The following CSMD1 variants were observed in gnomAD, a reference collection of about 807,000 sequenced individuals.
CSMD1 encodes the protein CUB and Sushi multiple domains 1, also known as CUB and sushi domain-containing protein 1.
A neutral mutation model predicts 417.5 loss-of-function variants in CSMD1; 213 were observed. The ratio of observed to expected loss-of-function variants is 0.51; its 90% CI spans 0.46 to 0.57. The LOEUF (loss-of-function observed/expected upper bound fraction) is 0.57, where lower values mean the gene tolerates loss of function less well. CSMD1 is among the 20% of genes least tolerant of loss of function. The probability of loss-of-function intolerance (pLI) is 0.00; values close to 1 mark genes in which losing one functional copy is unlikely to be tolerated. For missense variants in CSMD1, 6,923 were observed against 4,529.7 expected (o/e 1.53, Z -15.17); for synonymous variants, 2,862 against 1,736.8 (o/e 1.65, Z -16.11).
At chr8:4,671,930 G>C (rs1446683996) in intron 1 of CSMD1, among the ~76,000 whole-genome samples, 2 of 152,190 alleles carry the variant, frequency 1.3e-5, no homozygotes, top group Non-Finnish European at 2.9e-5. Flanking sequence ...GAGTGGGTCA[G>C]CTTTCTCAGT....
intron 1 of CSMD1, among the ~76,000 whole-genome samples, chr8:4,768,387 G>C (rs1037366616): frequency 6.6e-6 from 1 of 152,148 alleles, no homozygotes; most frequent in Non-Finnish European, 1.5e-5. Flanking sequence ...TTTCCATTCA[G>C]AAAATCCTTC....
At chr8:3,919,311 T>G (rs1377462913) in intron 5 of CSMD1, among the ~76,000 whole-genome samples, 5 of 152,088 alleles carry the variant, frequency 3.3e-5, no homozygotes, top group Non-Finnish European at 5.9e-5. Flanking sequence ...CTTCATCAAT[T>G]TTGTGTGGTC....
At chr8:4,239,348 G>C (rs372518030) in intron 3 of CSMD1, among the ~76,000 whole-genome samples, 1 of 152,150 alleles carries the variant, frequency 6.6e-6, no homozygotes. Context: ...TTCAACCTTG[G>C]TGGAACTGCC....
chr8:4,186,103 T>G (rs3849838), intron 3 of CSMD1, among the ~76,000 whole-genome samples: 126,803 of 152,018 alleles, frequency 0.83, 53,102 homozygotes, highest in South Asian at 0.94. Context: ...CCTCTTTGAT[T>G]GGGCCATGCC....
chr8:2,999,954 T>C lies in CSMD1; in HGVS notation c.8203+4A>G. On this transcript the variant is annotated splice_donor_region_variant and intron_variant, in intron 53 of 69. Transcript: ENST00000635120. ...ATGAATTCGTCCACAAAGAGTGCAC[T>C]TACGGACACAGACAGGCGTTTGTCC... The C allele has an allele frequency of 6.2e-7, 1 of 1,607,596 alleles. No individual in the cohort carries two copies. Among genetic ancestry groups the C allele is most frequent in the South Asian group, 1.1e-5 (1 of 89,742 alleles).
At chr8:4,708,302 G>C (rs1808079091) in intron 1 of CSMD1, among the ~76,000 whole-genome samples, 2 of 152,108 alleles carry the variant, frequency 1.3e-5, no homozygotes, top group Non-Finnish European at 2.9e-5. Flanking sequence ...CATTTACATA[G>C]ACATGCATTT....
chr8:4,182,476 T>C (rs1411384778), intron 3 of CSMD1, among the ~76,000 whole-genome samples: 1 of 152,152 alleles, frequency 6.6e-6, no homozygotes, highest in Non-Finnish European at 1.5e-5. Context: ...GTTTTAATAA[T>C]CAAATAAGAT....
intron 1 of CSMD1, among the ~76,000 whole-genome samples, chr8:4,723,425 G>A (rs1809193829): frequency 1.3e-5 from 2 of 152,098 alleles, no homozygotes; most frequent in South Asian, 2.1e-4. Flanking sequence ...ATACTTTGGA[G>A]TACATAATAA....
chr8:3,260,736 G>A (rs1563197763), intron 26 of CSMD1, among the ~76,000 whole-genome samples: 1 of 152,144 alleles, frequency 6.6e-6, no homozygotes, highest in Non-Finnish European at 1.5e-5. Context: ...CAAGAGTTAG[G>A]CAAGGGGCTC....
chr8:4,961,308 C>G (rs928769833), intron 1 of CSMD1, among the ~76,000 whole-genome samples: 1 of 152,116 alleles, frequency 6.6e-6, no homozygotes, highest in East Asian at 1.9e-4. Context: ...TCCCATTATT[C>G]CACCGAAGAC....
intron 3 of CSMD1, among the ~76,000 whole-genome samples, chr8:4,151,696 T>G (rs1232897303): frequency 2.0e-5 from 3 of 152,194 alleles, no homozygotes; most frequent in Non-Finnish European, 4.4e-5. Context: ...CCAACTGATT[T>G]CCTCAAGCTC....
At chr8:4,331,281 G>A (rs565601013) in intron 3 of CSMD1, among the ~76,000 whole-genome samples, 1 of 152,220 alleles carries the variant, frequency 6.6e-6, no homozygotes, top group South Asian at 2.1e-4. Flanking sequence ...GACACAAGGT[G>A]CTGAATGGCA....
At chr8:3,251,464 T>C (rs1800251040) in intron 26 of CSMD1, among the ~76,000 whole-genome samples, 1 of 152,222 alleles carries the variant, frequency 6.6e-6, no homozygotes, top group Non-Finnish European at 1.5e-5. Flanking sequence ...TTGGTTACTG[T>C]AGCCTTGTAG....
At chr8:4,711,057 C>G (rs1377938902) in intron 1 of CSMD1, among the ~76,000 whole-genome samples, 1 of 150,660 alleles carries the variant, frequency 6.6e-6, no homozygotes, top group East Asian at 2.0e-4. Context: ...TAAAATTAGG[C>G]AAAATCATGA....
At chr8:4,357,517 A>G (rs1801498555) in intron 3 of CSMD1, among the ~76,000 whole-genome samples, 1 of 152,162 alleles carries the variant, frequency 6.6e-6, no homozygotes, top group African/African-American at 2.4e-5. Context: ...CCTCTGCACT[A>G]CCATCTCTAA....
chr8:4,765,040 C>T lies in CSMD1; in HGVS notation c.86-127482G>A, dbSNP rs527688188. On this transcript the variant is annotated intron_variant, in intron 1 of 69. Coordinates refer to ENST00000635120, the MANE Select transcript of CSMD1 (RefSeq NM_033225.6). ...GTTTAATTAAGCAACTGCATGTTTT[C>T]GCACCTATGTAGAGAGCTATCACAC... Among the ~76,000 whole-genome samples the T allele has an allele frequency of 2.1e-3, 319 of 152,118 alleles. 1 individual carries two copies. The highest frequency in any genetic ancestry group is 0.017 in the Middle Eastern group (5 of 294).
intron 1 of CSMD1, among the ~76,000 whole-genome samples, chr8:4,770,195 A>G (rs1427497488): frequency 6.7e-6 from 1 of 149,252 alleles, no homozygotes; most frequent in Non-Finnish European, 1.5e-5. Flanking sequence ...ATATTCCTAT[A>G]TACTTATAAA....
At chr8:3,653,832 A>AAT (rs1361481197) in intron 7 of CSMD1, among the ~76,000 whole-genome samples, 32 of 152,102 alleles carry the variant, frequency 2.1e-4, no homozygotes, top group African/African-American at 7.0e-4. Flanking sequence ...GATAGATTTA[A>AAT]ATATATATAT....
chr8:3,885,655 T>C (rs933568984), intron 5 of CSMD1, among the ~76,000 whole-genome samples: 1 of 152,142 alleles, frequency 6.6e-6, no homozygotes, highest in Non-Finnish European at 1.5e-5. Flanking sequence ...CTATTCCCCC[T>C]CATTATTCTC....
Sources: gnomAD v4.1 joint callset for allele counts (sites outside exome capture counted in the v4.1 genomes callset) on GRCh38, gnomAD v4.1.1 for gene constraint, MANE v1.5 for transcripts, NCBI Gene and HGNC (gene_info 2026-07-23, HGNC 2026-07-21) for gene names.